Variants in USP42 observed in about 807,000 individuals in gnomAD.
USP42 encodes the protein ubiquitin specific peptidase 42, also known as ubiquitin carboxyl-terminal hydrolase 42.
USP42 carries 23 observed loss-of-function variants against 113.0 expected under a neutral mutation model. The observed-to-expected ratio is 0.20, with a 90% CI of 0.15 to 0.29. USP42 has a LOEUF of 0.29. USP42 is among the 10% of genes least tolerant of loss of function. The pLI, the probability that USP42 is intolerant of heterozygous loss-of-function variation, is 1.00. For synonymous variants in USP42, 933 were observed against 699.0 expected (o/e 1.33, Z -5.28); for missense variants, 2,174 against 1,779.8 (o/e 1.22, Z -3.99).
chr7:6,116,896 G>C, intron 3 of USP42: 1 of 522,046 alleles, frequency 1.9e-6, no homozygotes, highest in South Asian at 1.4e-5. Context: ...CAGCAAGAGA[G>C]AGGACCAAGA....
At position 6,141,029 on chromosome 7, in the gene USP42, C is replaced by A. The variant is rs748637649; in HGVS notation, c.795+45C>A. The A allele has an allele frequency of 6.9e-6, 7 of 1,007,812 alleles. No homozygotes were observed. The Admixed American group carries it at 9.7e-5, about 14-fold the overall frequency. The allele number at this position is 1,007,812 out of a possible 1,614,324, so 62.4% of individuals were successfully genotyped here. A position where few individuals can be genotyped will look rare whatever the true frequency, so the allele number is the denominator to read the frequency against. On this transcript the variant is annotated intron_variant, in intron 7 of 17. Transcript: ENST00000306177. Reference sequence around the variant, plus strand: ...GAGTAATTACATTTTTAAAATAAGTCATTTTATGTAACTGTAGTTCATTTA... The same window carrying A: ...GAGTAATTACATTTTTAAAATAAGTAATTTTATGTAACTGTAGTTCATTTA...
chr7:6,150,591 T>C (rs1781988528), intron 14 of USP42, 85 bp downstream of exon 14: 2 of 1,120,604 alleles, frequency 1.8e-6, no homozygotes, highest in East Asian at 2.4e-5. Context: ...TTGAATGCTG[T>C]AGAAATTTTA....
At chr7:6,115,136 A>T (rs1753876174) in intron 2 of USP42, among the ~76,000 whole-genome samples, 187 bp from the exon 3 acceptor site, 1 of 152,210 alleles carries the variant, frequency 6.6e-6, no homozygotes, top group African/African-American at 2.4e-5. Context: ...TGGAGAAACC[A>T]GATCATTGAA....
the USP42 span, among the ~76,000 whole-genome samples, chr7:6,085,870 C>T: frequency 9.7e-3 from 1,456 of 150,848 alleles, 115 homozygotes; most frequent in African/African-American, 0.035. Context: ...GCCTTGGCCT[C>T]CCAAGGTGCT....
intron 3 of USP42, among the ~76,000 whole-genome samples, chr7:6,132,551 G>C (rs184266411): frequency 1.2e-3 from 181 of 151,160 alleles, no homozygotes; most frequent in African/African-American, 4.0e-3. Context: ...TAGAGACAGG[G>C]TTTCACCATG....
chr7:6,147,917 A>AT (rs760294309), intron 12 of USP42, 25 bp downstream of exon 12: 1 of 1,564,842 alleles, frequency 6.4e-7, no homozygotes, highest in Admixed American at 1.9e-5. Context: ...GGAGAAGAAC[A>AT]TTTTTATGTT....
Position 6,157,457 on chromosome 7 carries a change from C to A in USP42, c.3943+402C>A. On this transcript the variant is annotated intron_variant, in intron 16 of 17. Coordinates refer to ENST00000306177, the MANE Select transcript of USP42 (RefSeq NM_032172.3). This position sits in a 1 kb window ranked among gnomAD's most constrained non-coding sequence, Gnocchi z 4.1. ...TATTGCCCAGGCTGGAGTGCAGTGG[C>A]GGCGATCTCAGCTCACTGCAACCTC... The A allele has an allele frequency of 2.3e-6, 2 of 883,302 alleles. No homozygotes were observed. The highest frequency in any genetic ancestry group is 2.7e-6 in the Non-Finnish European group (2 of 737,038). 54.7% of individuals were successfully genotyped at this position (883,302 alleles called of 1,614,324 possible).
chr7:6,116,277 A>G (rs1264472139), intron 3 of USP42, among the ~76,000 whole-genome samples: 5 of 152,202 alleles, frequency 3.3e-5, no homozygotes, highest in Admixed American at 1.3e-4. Flanking sequence ...AATTCAGACT[A>G]GACTTTCCCT....
chr7:6,157,481 T>C lies in USP42; in HGVS notation c.3943+426T>C. Reference sequence around the variant, plus strand: ...GCGGCGATCTCAGCTCACTGCAACCTCTGCCTCCCAGGTTCATGCTGTTCT... The same window carrying C: ...GCGGCGATCTCAGCTCACTGCAACCCCTGCCTCCCAGGTTCATGCTGTTCT... On this transcript the variant is annotated intron_variant, in intron 16 of 17. Coordinates refer to ENST00000306177, the MANE Select transcript of USP42 (RefSeq NM_032172.3). The surrounding 1 kb of genome is among the most constrained non-coding windows in gnomAD (Gnocchi z 4.1). 2 of 736,444 alleles carry C rather than the reference T, an allele frequency of 2.7e-6. No individual in the cohort carries two copies. Among genetic ancestry groups the C allele is most frequent in the Middle Eastern group, 6.9e-4 (1 of 1,450 alleles). 45.6% of individuals were successfully genotyped at this position (736,444 alleles called of 1,614,324 possible). A position where few individuals can be genotyped will look rare whatever the true frequency, so the allele number is the denominator to read the frequency against.
upstream of USP42, among the ~76,000 whole-genome samples, chr7:6,102,952 C>T (rs1562790679): frequency 6.6e-6 from 1 of 150,904 alleles, no homozygotes; most frequent in Non-Finnish European, 1.5e-5. Flanking sequence ...AAGGCTGACT[C>T]AGGGAGGGTC....
Position 6,153,819 on chromosome 7 carries a change from C to T in USP42, c.2265C>T (p.Pro755=), listed in dbSNP as rs909998277. The part of the protein sequence containing the change: ...DRDAEPQPGS[P]AAESLEEPDA... ...ACGCCGAGCCTCAGCCTGGCAGCCC[C>T]GCCGCCGAATCCCTGGAGGAGCCAG... Residue 755 remains proline (P), a synonymous_variant, in exon 15 of 18, where the codon CCC becomes CCT. Transcript: ENST00000306177. The T allele has an allele frequency of 3.3e-6, 5 of 1,531,366 alleles. No individual in the cohort carries two copies. Among genetic ancestry groups the T allele is most frequent in the Admixed American group, 4.1e-5 (2 of 48,432 alleles). The allele number at this position is 1,531,366 out of a possible 1,614,324, so 94.9% of individuals were successfully genotyped here. A position where few individuals can be genotyped will look rare whatever the true frequency, so the allele number is the denominator to read the frequency against.
chr7:6,124,363 G>A (rs918926214), intron 3 of USP42, among the ~76,000 whole-genome samples: 1 of 151,956 alleles, frequency 6.6e-6, no homozygotes, highest in African/African-American at 2.4e-5. Flanking sequence ...CACTTCCCAG[G>A]TTCAAGTGAT....
chr7:6,129,120 G>A (rs955903729), intron 3 of USP42, among the ~76,000 whole-genome samples: 2 of 152,110 alleles, frequency 1.3e-5, no homozygotes. Context: ...AGCCTTTTTA[G>A]TGGTCACTTT....
chr7:6,104,392 TC>T (rs1779127039), upstream of USP42, among the ~76,000 whole-genome samples: 1 of 152,132 alleles, frequency 6.6e-6, no homozygotes, highest in African/African-American at 2.4e-5. Context: ...AGACCTTGTT[TC>T]TAAGAAACAA....
Position 6,144,176 on chromosome 7 carries a change from A to G in USP42, c.970A>G (p.Thr324Ala). 6.3e-7 allele frequency: 1 copy of G among 1,593,750 alleles called. No homozygotes were observed. Among genetic ancestry groups the G allele is most frequent in the South Asian group, 1.2e-5 (1 of 86,458 alleles). ...TLSLKRFANF[T>A]GGKIAKDVKY... is the part of the protein sequence containing the mutation. The stretch of plus-strand genomic sequence containing the variant: ...TTCTCTGAAACGTTTTGCAAATTTT[A>G]CCGGTGGAAAAATTGCTAAGGTATG... The change falls in exon 9 of 18, where the codon ACC (threonine) becomes GCC (alanine). Residue 324 changes from threonine to alanine, a missense_variant. Transcript: ENST00000306177.
intron 3 of USP42, among the ~76,000 whole-genome samples, chr7:6,122,715 C>T (rs1780299939): frequency 6.6e-6 from 1 of 152,024 alleles, no homozygotes; most frequent in African/African-American, 2.4e-5. Context: ...TGTGATCCAC[C>T]CGCCTCAGCC....
At chr7:6,114,656 G>GTGTGTATATA (rs1187768774) in intron 2 of USP42, among the ~76,000 whole-genome samples, 3 of 60,584 alleles carry the variant, frequency 5.0e-5, no homozygotes, top group African/African-American at 1.6e-4. Context: ...ATGTGTGTGT[G>GTGTGTATATA]TATATATATA....
chr7:6,154,012 G>T lies in USP42; in HGVS notation c.2458G>T (p.Asp820Tyr). ...VGDTAPPDLC[D>Y]PGSLTGDASP... Reference sequence around the variant, plus strand: ...GGACACAGCACCCCCTGACCTGTGTGATCCCGGGAGCTTAACAGGCGATGC... The same window carrying T: ...GGACACAGCACCCCCTGACCTGTGTTATCCCGGGAGCTTAACAGGCGATGC... The change falls in exon 15 of 18, where the codon GAT (aspartate) becomes TAT (tyrosine). Residue 820 changes from aspartate to tyrosine, a missense_variant. Physicochemically the swap from Asp to Tyr is radical, Grantham distance 160. Coordinates refer to ENST00000306177, the MANE Select transcript of USP42 (RefSeq NM_032172.3). 2 of 1,603,848 alleles carry T rather than the reference G, an allele frequency of 1.2e-6. No homozygotes were observed. Among genetic ancestry groups the T allele is most frequent in the African/African-American group, 2.7e-5 (2 of 75,034 alleles).
chr7:6,103,739 A>C (rs1323751463), upstream of USP42, among the ~76,000 whole-genome samples: 1 of 3,930 alleles, frequency 2.5e-4, no homozygotes, highest in Non-Finnish European at 1.0e-3. Flanking sequence ...CCGTCTCTAC[A>C]AAAAAAAAAA....
Sources: gnomAD v4.1 joint callset for allele counts (sites outside exome capture counted in the v4.1 genomes callset) on GRCh38, gnomAD v4.1.1 for gene constraint, Gnocchi (gnomAD v3.1) non-coding constraint, MANE v1.5 for transcripts, NCBI Gene and HGNC (gene_info 2026-07-23, HGNC 2026-07-21) for gene names.